The following ZNF18 variants were observed in gnomAD, a reference collection of about 807,000 sequenced individuals.
ZNF18 encodes zinc finger protein 18, also known as heart development-specific gene 1 protein.
In ZNF18, 42 loss-of-function variants were observed where a neutral mutation model predicts 58.1. The ratio of observed to expected loss-of-function variants is 0.72; its 90% confidence interval spans 0.56 to 0.93. The LOEUF is 0.93. Among genes scored for constraint, ZNF18 ranks in the 40% least tolerant of loss-of-function variants. The pLI, the probability that ZNF18 is intolerant of heterozygous loss-of-function variation, is 0.00. For missense variants in ZNF18, 540 were observed against 644.2 expected (o/e 0.84, Z 1.75); for synonymous variants, 231 against 239.8 (o/e 0.96, Z 0.34).
chr17:11,994,021 T>C (rs1049515360), intron 1 of ZNF18, among the ~76,000 whole-genome samples: 1 of 152,184 alleles, frequency 6.6e-6, no homozygotes, highest in Admixed American at 6.5e-5. Context: ...CTACTTCTAG[T>C]TAACTTTCTT....
At chr17:11,993,325 T>C (rs1022434105) in intron 1 of ZNF18, among the ~76,000 whole-genome samples, 5 of 152,186 alleles carry the variant, frequency 3.3e-5, no homozygotes, top group African/African-American at 1.2e-4. Flanking sequence ...AGCTAATGCC[T>C]ACATGCTTCT....
intron 6 of ZNF18, among the ~76,000 whole-genome samples, chr17:11,982,071 C>G (rs577110119): frequency 7.2e-5 from 11 of 151,984 alleles, no homozygotes; most frequent in African/African-American, 1.4e-4. Context: ...TCCTCTCCGC[C>G]TCTCCTCTCC....
upstream of ZNF18, among the ~76,000 whole-genome samples, chr17:12,000,291 C>T (rs1227252014): frequency 1.3e-5 from 2 of 152,040 alleles, no homozygotes; most frequent in South Asian, 2.1e-4. Context: ...CCCTGGACCA[C>T]GCCAACATAT....
At chr17:11,987,309 T>C (rs567137353) in intron 4 of ZNF18, among the ~76,000 whole-genome samples, 1 of 152,374 alleles carries the variant, frequency 6.6e-6, no homozygotes, top group African/African-American at 2.4e-5. Flanking sequence ...ATGAAATAAC[T>C]ACTGTGTACT....
At position 11,982,747 on chromosome 17, in the gene ZNF18, G is replaced by A. The variant is rs368699950; in HGVS notation, c.862+550C>T. On this transcript the variant is annotated intron_variant, in intron 6 of 6. Coordinates refer to ENST00000580306, the MANE Select transcript of ZNF18 (RefSeq NM_001303281.2). ...GTAACTTCAATGTTTCAGAAAAAGT[G>A]TAGAAAGCAAAGAATGACTATTTTA... 2.7e-4 allele frequency among the ~76,000 whole-genome samples: 41 copies of A among 151,198 alleles called. No homozygotes were observed. In the South Asian group the frequency reaches 8.4e-3, roughly 31 times the overall value.
In ZNF18 at chr17:11,990,992, C is replaced by CA. The variant is rs770098157; in HGVS notation, c.558dup (p.Asp187Ter). 1.9e-6 allele frequency: 3 copies of CA among 1,613,988 alleles called. No homozygotes were observed. The highest frequency in any genetic ancestry group is 2.2e-5 in the South Asian group (2 of 91,044). ...TCCTCACCTAGTTCTGCTTCTGTGT[C>CA]AGATTCCTCTTTCACGATGTGGCTC... On this transcript the variant is annotated frameshift_variant, in exon 3 of 7. Transcript: ENST00000580306. LOFTEE classifies it high-confidence loss of function.
In ZNF18 at chr17:11,988,654, C is replaced by T. The variant is rs546274466; in HGVS notation, c.666+1808G>A. ...GGGGCATCAGATTACTCAGAATACT[C>T]AGAAGGGAAGTGCCTTAGCATGGAA... On this transcript the variant is annotated intron_variant, in intron 4 of 6. Transcript: ENST00000580306. 2.6e-5 allele frequency among the ~76,000 whole-genome samples: 4 copies of T among 152,280 alleles called. No individual in the cohort carries two copies. The South Asian group carries it at 8.3e-4, about 32-fold the overall frequency.
At chr17:12,014,413 C>A in the ZNF18 span, among the ~76,000 whole-genome samples, 8 of 152,140 alleles carry the variant, frequency 5.3e-5, no homozygotes, top group African/African-American at 1.7e-4. Flanking sequence ...AATGGATAAA[C>A]AAAATGTGAT....
At chr17:11,994,828 G>A (rs984256247) in intron 1 of ZNF18, among the ~76,000 whole-genome samples, 16 of 151,950 alleles carry the variant, frequency 1.1e-4, no homozygotes, top group Non-Finnish European at 2.1e-4. Flanking sequence ...GCGACAGAGC[G>A]AGACTCCGTC....
intron 1 of ZNF18, 29 bp from the exon 2 acceptor site, chr17:11,992,940 ACAGAGGAAGGGGACACATTTT>A: frequency 7.9e-7 from 1 of 1,268,128 alleles, no homozygotes; most frequent in Non-Finnish European, 1.1e-6. Context: ...TGAGTGCTAC[ACAGAGGAAGGGGACACATTTT>A]CAGAAAGAAC....
chr17:12,003,989 T>A, the ZNF18 span, among the ~76,000 whole-genome samples: 7 of 152,114 alleles, frequency 4.6e-5, no homozygotes, highest in Admixed American at 3.3e-4. Flanking sequence ...TCCTAGCACT[T>A]TGGGAGGCTG....
chr17:11,990,931 C>T, intron 3 of ZNF18, 43 bp downstream of exon 3: 1 of 1,581,346 alleles, frequency 6.3e-7, no homozygotes, highest in Non-Finnish European at 8.6e-7. Flanking sequence ...TAATCACAAT[C>T]CCAAAATCTC....
chr17:12,001,578 G>A (rs1010940199), upstream of ZNF18, among the ~76,000 whole-genome samples: 3 of 152,050 alleles, frequency 2.0e-5, no homozygotes, highest in Non-Finnish European at 2.9e-5. Context: ...GCAGTGAACC[G>A]AGATTGCGCC....
chr17:12,007,478 G>T, the ZNF18 span, among the ~76,000 whole-genome samples: 5 of 152,074 alleles, frequency 3.3e-5, no homozygotes, highest in Non-Finnish European at 7.4e-5. Flanking sequence ...TCTGATTTTT[G>T]TACGGTCACT....
the ZNF18 span, among the ~76,000 whole-genome samples, chr17:12,018,157 T>C: frequency 6.6e-6 from 1 of 152,258 alleles, no homozygotes; most frequent in African/African-American, 2.4e-5. Context: ...CAAGGATATC[T>C]TATAAATGTA....
At chr17:12,017,637 G>C in the ZNF18 span, among the ~76,000 whole-genome samples, 1 of 152,116 alleles carries the variant, frequency 6.6e-6, no homozygotes, top group Non-Finnish European at 1.5e-5. Context: ...CAGCATTTTG[G>C]GAGGCTGAGG....
At chr17:11,990,939 C>T (rs1161598668) in intron 3 of ZNF18, 35 bp downstream of exon 3, 1 of 1,587,184 alleles carries the variant, frequency 6.3e-7, no homozygotes, top group Admixed American at 1.7e-5. Flanking sequence ...ATCCCAAAAT[C>T]TCTCCAAGAG....
the ZNF18 span, among the ~76,000 whole-genome samples, chr17:12,015,034 C>T: frequency 6.6e-6 from 1 of 151,604 alleles, no homozygotes; most frequent in Admixed American, 6.6e-5. Context: ...GGCAACAGAG[C>T]AAGACTCCAT....
intron 4 of ZNF18, among the ~76,000 whole-genome samples, chr17:11,989,833 T>C (rs192257730): frequency 6.7e-6 from 1 of 150,056 alleles, no homozygotes; most frequent in East Asian, 2.0e-4. Flanking sequence ...AAAAATATAC[T>C]GGATGAGATT....
Sources: allele counts gnomAD v4.1 joint callset (sites outside exome capture counted in the v4.1 genomes callset), GRCh38; gene constraint gnomAD v4.1.1; transcripts MANE v1.5; gene names NCBI Gene and HGNC (gene_info 2026-07-23, HGNC 2026-07-21).